Variants in ATAD2B observed in about 807,000 individuals in gnomAD.
ATAD2B encodes the protein ATPase family AAA domain containing 2B, also known as ATPase family AAA domain-containing protein 2B.
Under a neutral mutation model 167.6 loss-of-function variants are expected in ATAD2B, and 40 were observed. That is an observed-to-expected ratio of 0.24 (90% CI 0.19 to 0.31). ATAD2B has a LOEUF of 0.31. ATAD2B is among the 10% of genes least tolerant of loss of function. The pLI, the probability that ATAD2B is intolerant of heterozygous loss-of-function variation, is 1.00. For missense variants in ATAD2B, 1,242 were observed against 1,757.2 expected, an observed-to-expected ratio of 0.71 and a Z score of 5.24; for synonymous variants, 579 against 596.5, an observed-to-expected ratio of 0.97 and a Z score of 0.43.
intron 2 of ATAD2B, among the ~76,000 whole-genome samples, chr2:23,891,859 G>C (rs17762609): frequency 6.6e-6 from 1 of 151,838 alleles, no homozygotes; most frequent in Non-Finnish European, 1.5e-5. Context: ...TGATTATTAC[G>C]TTAGAACTTT....
chr2:23,730,909 A>C, the ATAD2B span, among the ~76,000 whole-genome samples: 3 of 151,946 alleles, frequency 2.0e-5, no homozygotes, highest in Non-Finnish European at 4.4e-5. Flanking sequence ...TTGAAAAGAT[A>C]AATAAAAAGA....
At chr2:23,727,906 A>G in the ATAD2B span, among the ~76,000 whole-genome samples, 1 of 152,190 alleles carries the variant, frequency 6.6e-6, no homozygotes, top group Non-Finnish European at 1.5e-5. Context: ...CAGAAGCAGG[A>G]AGGGAGGAAT....
chr2:23,828,138 T>C (rs1688521901), intron 15 of ATAD2B, among the ~76,000 whole-genome samples: 3 of 151,838 alleles, frequency 2.0e-5, no homozygotes, highest in Non-Finnish European at 2.9e-5. Context: ...GGGGAAAGAA[T>C]GAAGGAGAAA....
At chr2:23,687,051 C>T in the ATAD2B span, among the ~76,000 whole-genome samples, 2 of 152,134 alleles carry the variant, frequency 1.3e-5, no homozygotes, top group Admixed American at 6.5e-5. Flanking sequence ...CTTTTCAGTC[C>T]CCTTGGCATC....
At chr2:23,813,937 C>G (rs1222404725) in intron 17 of ATAD2B, among the ~76,000 whole-genome samples, 1 of 152,020 alleles carries the variant, frequency 6.6e-6, no homozygotes, top group Non-Finnish European at 1.5e-5. Context: ...AACCAAATAG[C>G]AAACAACCAA....
intron 25 of ATAD2B, among the ~76,000 whole-genome samples, chr2:23,757,084 T>G (rs1676038613): frequency 6.6e-6 from 1 of 152,166 alleles, no homozygotes; most frequent in South Asian, 2.1e-4. Flanking sequence ...AATTCCATCT[T>G]CTTAACACCT....
intron 1 of ATAD2B, among the ~76,000 whole-genome samples, chr2:23,920,843 C>A (rs1703808584): frequency 6.6e-6 from 1 of 152,154 alleles, no homozygotes; most frequent in Admixed American, 6.5e-5. Context: ...ATAGACTCCC[C>A]CTCCAGAGAG....
rs113758377 is a variant in ATAD2B at position 23,863,331 on chromosome 2, A to C, written c.1479+50T>G. 2,359 of 1,506,532 alleles carry C rather than the reference A, an allele frequency of 1.6e-3. 28 individuals are homozygous for C. In the African/African-American group the frequency reaches 0.022, roughly 14 times the overall value. 93.3% of individuals were successfully genotyped at this position (1,506,532 alleles called of 1,614,324 possible). On this transcript the variant is annotated intron_variant, in intron 12 of 27. Transcript: ENST00000238789. ...CTGTCTCAAAAAAACAAAGAAAGAA[A>C]AGAACAGAACAGAACAGAAAAGACT... is the stretch of plus-strand genomic sequence containing the variant.
chr2:23,922,716 A>G (rs544954218), intron 1 of ATAD2B, among the ~76,000 whole-genome samples: 47 of 150,890 alleles, frequency 3.1e-4, no homozygotes, highest in African/African-American at 1.0e-3. Context: ...AAAAAAAAAA[A>G]GGGTCCTAAC....
At chr2:23,839,197 G>A (rs531392240) in intron 13 of ATAD2B, among the ~76,000 whole-genome samples, 1 of 152,206 alleles carries the variant, frequency 6.6e-6, no homozygotes, top group East Asian at 1.9e-4. Context: ...AATGATAAGA[G>A]TACTGTTTTT....
chr2:23,844,622 T>C (rs376228536), intron 13 of ATAD2B, among the ~76,000 whole-genome samples: 1 of 152,028 alleles, frequency 6.6e-6, no homozygotes, highest in African/African-American at 2.4e-5. Flanking sequence ...AATAGCAGAT[T>C]AGACATTTCA....
At chr2:23,695,859 T>C in the ATAD2B span, 1 of 1,536,040 alleles carries the variant, frequency 6.5e-7, no homozygotes, top group Middle Eastern at 1.7e-4. The surrounding 1 kb of genome is among the most constrained non-coding windows in gnomAD (Gnocchi z 7.6). Flanking sequence ...CAAGAAGCAG[T>C]GTCTTGGGCT....
intron 1 of ATAD2B, among the ~76,000 whole-genome samples, chr2:23,910,255 T>C (rs986532280): frequency 2.7e-5 from 4 of 149,508 alleles, no homozygotes; most frequent in Admixed American, 6.8e-5. Flanking sequence ...CTCAGCTCAC[T>C]GCAACCTCCA....
chr2:23,720,004 T>G, the ATAD2B span, among the ~76,000 whole-genome samples: 21 of 152,248 alleles, frequency 1.4e-4, no homozygotes, highest in East Asian at 4.1e-3. Context: ...CTTTGGGACC[T>G]CCCTCATTTG....
At chr2:23,910,389 G>A (rs576624149) in intron 1 of ATAD2B, among the ~76,000 whole-genome samples, 2 of 149,702 alleles carry the variant, frequency 1.3e-5, no homozygotes, top group African/African-American at 4.9e-5. Flanking sequence ...TGTTGGTCAG[G>A]CTGGTCTCGA....
chr2:23,861,140 G>GT (rs1015159183), intron 12 of ATAD2B, among the ~76,000 whole-genome samples: 1 of 144,450 alleles, frequency 6.9e-6, no homozygotes, highest in Admixed American at 7.0e-5. Context: ...TGTTGTTGTT[G>GT]TTTTTTTCCT....
the ATAD2B span, among the ~76,000 whole-genome samples, chr2:23,734,037 G>A: frequency 2.6e-5 from 4 of 152,194 alleles, no homozygotes; most frequent in South Asian, 4.1e-4. Flanking sequence ...TTGAGATGCC[G>A]TTAAGATAAC....
At chr2:23,807,861 T>C (rs1684721527) in intron 18 of ATAD2B, among the ~76,000 whole-genome samples, 1 of 129,016 alleles carries the variant, frequency 7.8e-6, no homozygotes, top group African/African-American at 2.8e-5. Context: ...ATATAAAATA[T>C]ATACATTTTA....
intron 18 of ATAD2B, 35 bp downstream of exon 18, chr2:23,810,281 A>G: frequency 1.3e-6 from 2 of 1,552,634 alleles, no homozygotes; most frequent in Non-Finnish European, 1.8e-6. Context: ...AAGCAATAAG[A>G]AAGTTGGAAG....
Sources: gnomAD v4.1 joint callset for allele counts (sites outside exome capture counted in the v4.1 genomes callset) on GRCh38, gnomAD v4.1.1 for gene constraint, Gnocchi (gnomAD v3.1) non-coding constraint, MANE v1.5 for transcripts, NCBI Gene and HGNC (gene_info 2026-07-23, HGNC 2026-07-21) for gene names.